AGAP3: variants seen among roughly 807,000 people sequenced by gnomAD.
AGAP3 encodes the protein ArfGAP with GTPase domain, ankyrin repeat and PH domain 3.
Under a neutral mutation model 96.9 loss-of-function variants are expected in AGAP3, and 24 were observed. The observed-to-expected ratio is 0.25, with a 90% CI of 0.18 to 0.35. The LOEUF (loss-of-function observed/expected upper bound fraction) is 0.35, where lower values mean the gene tolerates loss of function less well. Ranked by LOEUF, AGAP3 falls within the 10% of genes least tolerant of loss-of-function variation. AGAP3 has a pLI of 1.00. For synonymous variants in AGAP3, 563 were observed against 536.1 expected, an observed-to-expected ratio of 1.05 and a Z score of -0.69; for missense variants, 876 against 1,254.2, an observed-to-expected ratio of 0.70 and a Z score of 4.55.
chr7:151,090,892 T>C (rs1413052947), intron 1 of AGAP3, among the ~76,000 whole-genome samples: 1 of 151,814 alleles, frequency 6.6e-6, no homozygotes, highest in Non-Finnish European at 1.5e-5. Context: ...TGCAGTGAGC[T>C]GAGATCGCAC....
chr7:151,132,291 G>A (rs139612037), intron 10 of AGAP3, among the ~76,000 whole-genome samples: 86 of 152,318 alleles, frequency 5.6e-4, no homozygotes, highest in African/African-American at 2.0e-3. Flanking sequence ...CTGCCTGGGT[G>A]GGAGGCTGCT....
chr7:151,091,001 C>G (rs1798376415), intron 1 of AGAP3, among the ~76,000 whole-genome samples: 1 of 152,212 alleles, frequency 6.6e-6, no homozygotes, highest in African/African-American at 2.4e-5. Flanking sequence ...TCCCACAGCC[C>G]TCAGCCCTTA....
chr7:151,119,760 C>T lies in AGAP3; in HGVS notation c.970-227C>T, dbSNP rs116704494. Among the ~76,000 whole-genome samples, 1,267 of 152,294 alleles carry T rather than the reference C, an allele frequency of 8.3e-3. 13 individuals carry two copies. The highest frequency in any genetic ancestry group is 0.028 in the African/African-American group (1,184 of 41,556). ...AAGCACTCCTGCCGGGGCCCCAGGA[C>T]GAGGGTTTGCTGCCCTAGTGGGGCA... On this transcript the variant is annotated intron_variant, in intron 7 of 17. Coordinates refer to ENST00000397238, the MANE Select transcript of AGAP3 (RefSeq NM_031946.7).
rs780819924 is a variant in AGAP3, at chr7:151,118,590, G to C, written c.927G>C (p.Ser309=). ...CKSLPNSPSH[S]AVSAASIPAV... Reference sequence around the variant, plus strand: ...CACTGCCCAACTCGCCCAGCCACTCGGCCGTGTCCGCCGCCTCCATCCCGG... The same window carrying C: ...CACTGCCCAACTCGCCCAGCCACTCCGCCGTGTCCGCCGCCTCCATCCCGG... The change falls in exon 7 of 18, where the codon TCG becomes TCC. Residue 309 remains serine (S), a synonymous_variant. Coordinates refer to ENST00000397238, the MANE Select transcript of AGAP3 (RefSeq NM_031946.7). This position sits in a 1 kb window ranked among gnomAD's most constrained non-coding sequence, Gnocchi z 6.1. 2.5e-6 allele frequency: 4 copies of C among 1,613,976 alleles called. No individual in the cohort carries two copies. Among genetic ancestry groups the C allele is most frequent in the South Asian group, 2.2e-5 (2 of 91,074 alleles).
Position 151,143,939 on chromosome 7 carries a change from T to A in AGAP3, c.2732T>A (p.Leu911Gln). Residue 911 changes from leucine (L) to glutamine (Q), a missense_variant, in exon 18 of 18, where the codon CTA becomes CAA. Transcript: ENST00000397238. The surrounding 1 kb of genome is among the most constrained non-coding windows in gnomAD (Gnocchi z 5.9). ...GAGCTGCACCGTAGTCCTAGCCTCC[T>A]ATAAGGCCCAGGAAGAGGGCAGAGG... ...SAELHRSPSL[L>Q] The A allele has an allele frequency of 6.2e-7, 1 of 1,613,772 alleles. No homozygotes were observed.
At chr7:151,111,140 C>G (rs573435233) in intron 1 of AGAP3, among the ~76,000 whole-genome samples, 2 of 152,328 alleles carry the variant, frequency 1.3e-5, no homozygotes, top group African/African-American at 4.8e-5. Context: ...CACTGCCTCC[C>G]GGGCTCAGTG....
At chr7:151,129,587 G>A (rs766176507) in intron 10 of AGAP3, among the ~76,000 whole-genome samples, 4 of 152,132 alleles carry the variant, frequency 2.6e-5, no homozygotes, top group Admixed American at 6.5e-5. Context: ...TCAGCCGCTC[G>A]CCCTTCCTAA....
chr7:151,143,321 T>G lies in AGAP3; in HGVS notation c.2274-20T>G, dbSNP rs200991681. 2.5e-3 allele frequency: 3,955 copies of G among 1,597,196 alleles called. 10 individuals are homozygous for G. Among genetic ancestry groups the G allele is most frequent in the South Asian group, 3.7e-3 (324 of 88,590 alleles). ...CGGTGACCTTCCTTGGCTCATGCCC[T>G]GATGGGCCTGTGGTTGCAGAGAGGA... On this transcript the variant is annotated intron_variant, in intron 16 of 17. Coordinates refer to ENST00000397238, the MANE Select transcript of AGAP3 (RefSeq NM_031946.7). The surrounding 1 kb of genome is among the most constrained non-coding windows in gnomAD (Gnocchi z 5.9).
At chr7:151,115,700 A>G (rs10242437) in intron 1 of AGAP3, 348,077 of 1,056,674 alleles carry the variant, frequency 0.33, 59,647 homozygotes, top group African/African-American at 0.58. Flanking sequence ...GAAAAGCCGG[A>G]CGCGCCCAGG....
rs1459710629 is a variant in AGAP3 at position 151,114,517 on chromosome 7, C to A, written c.332-2276C>A. Among the ~76,000 whole-genome samples the A allele has an allele frequency of 6.6e-6, 1 of 152,216 alleles. No homozygotes were observed. The highest frequency in any genetic ancestry group is 2.4e-5 in the African/African-American group (1 of 41,464). On this transcript the variant is annotated intron_variant, in intron 1 of 17. Transcript: ENST00000397238. The surrounding 1 kb of genome is among the most constrained non-coding windows in gnomAD (Gnocchi z 4.4). ...GGCTCCCAGGGGCTGCCCCAGCAGGCCGGCTCCCCCGCGCCGCGCCGCCGT... is the reference window on the plus strand; with the variant it reads ...GGCTCCCAGGGGCTGCCCCAGCAGGACGGCTCCCCCGCGCCGCGCCGCCGT...
intron 12 of AGAP3, 34 bp downstream of exon 12, chr7:151,138,347 T>C: frequency 6.3e-7 from 1 of 1,578,602 alleles, no homozygotes; most frequent in Non-Finnish European, 8.6e-7. Flanking sequence ...CCACCTTTTC[T>C]GGGGCCCCAG....
At position 151,114,662 on chromosome 7, in the gene AGAP3, C is replaced by T; in HGVS notation, c.332-2131C>T. On this transcript the variant is annotated intron_variant, in intron 1 of 17. Coordinates refer to ENST00000397238, the MANE Select transcript of AGAP3 (RefSeq NM_031946.7). This position sits in a 1 kb window ranked among gnomAD's most constrained non-coding sequence, Gnocchi z 4.4. The stretch of plus-strand genomic sequence containing the variant: ...GGAGTTGAGGGACTCGGTCGGCCCA[C>T]ACCAGGTGCCCAGAGGCCGGAGGTC... 1.0e-6 allele frequency: 1 copy of T among 967,182 alleles called. No homozygotes were observed. The allele number at this position is 967,182 out of a possible 1,614,324, so 59.9% of individuals were successfully genotyped here.
At position 151,104,005 on chromosome 7, in the gene AGAP3, C is replaced by A. The variant is rs7806979; in HGVS notation, c.332-12788C>A. 5.4e-4 allele frequency among the ~76,000 whole-genome samples: 82 copies of A among 152,182 alleles called. 1 individual carries two copies. In the East Asian group the frequency reaches 0.01, roughly 19 times the overall value. On this transcript the variant is annotated intron_variant, in intron 1 of 17. Coordinates refer to ENST00000397238, the MANE Select transcript of AGAP3 (RefSeq NM_031946.7). ...CGGGACCACAGCCTTAGTGCCGTGG[C>A]GGGGGCGTGAGGACTGGGTCTCTCC...
At chr7:151,123,298 A>C in intron 8 of AGAP3, 1 of 1,047,744 alleles carries the variant, frequency 9.5e-7, no homozygotes, top group Non-Finnish European at 1.2e-6. Context: ...GACAGGGTGC[A>C]GGGCCTCTTC....
In AGAP3 at chr7:151,141,549, G is replaced by A. The variant is rs1563530816; in HGVS notation, c.1805-349G>A. Reference sequence around the variant, plus strand: ...CCCAGTGTTTGCCTCCTAGCACCCCGTCACATCCTTCTCCAGATACTCAGC... The same window carrying A: ...CCCAGTGTTTGCCTCCTAGCACCCCATCACATCCTTCTCCAGATACTCAGC... On this transcript the variant is annotated intron_variant, in intron 13 of 17. Coordinates refer to ENST00000397238, the MANE Select transcript of AGAP3 (RefSeq NM_031946.7). This position sits in a 1 kb window ranked among gnomAD's most constrained non-coding sequence, Gnocchi z 4.2. 6 of 295,074 alleles carry A rather than the reference G, an allele frequency of 2.0e-5. No individual in the cohort carries two copies. The highest frequency in any genetic ancestry group is 2.6e-5 in the Non-Finnish European group (4 of 153,806). The allele number at this position is 295,074 out of a possible 1,614,324, so 18.3% of individuals were successfully genotyped here. A position where few individuals can be genotyped will look rare whatever the true frequency, so the allele number is the denominator to read the frequency against.
rs371202850 is a variant in AGAP3, at chr7:151,117,722, T to C, written c.651T>C (p.Arg217=). ...SFQTVYNYFL[R]LCSFRNASEV... The stretch of plus-strand genomic sequence containing the variant: ...AGACGGTGTACAACTACTTCCTGCG[T>C]CTCTGCAGCTTCCGCAACGCCAGCG... Residue 217 remains arginine (R), a synonymous_variant, in exon 5 of 18, where the codon CGT becomes CGC. Transcript: ENST00000397238. 3 of 1,614,044 alleles carry C rather than the reference T, an allele frequency of 1.9e-6. No homozygotes were observed. Among genetic ancestry groups the C allele is most frequent in the Non-Finnish European group, 1.7e-6 (2 of 1,180,012 alleles).
At chr7:151,123,036 C>T (rs1390211536) in intron 8 of AGAP3, 17 of 1,341,602 alleles carry the variant, frequency 1.3e-5, no homozygotes, top group South Asian at 8.4e-5. Flanking sequence ...GAAGGCAGCT[C>T]GGCCCCACGC....
At chr7:151,099,693 G>A (rs1041776475) in intron 1 of AGAP3, among the ~76,000 whole-genome samples, 1 of 152,256 alleles carries the variant, frequency 6.6e-6, no homozygotes, top group Non-Finnish European at 1.5e-5. Context: ...CTGTCAGTCA[G>A]CATCTTGACC....
intron 9 of AGAP3, among the ~76,000 whole-genome samples, chr7:151,124,276 G>A (rs1450653087): frequency 6.6e-6 from 1 of 152,184 alleles, no homozygotes; most frequent in East Asian, 1.9e-4. Flanking sequence ...CCAGCGCTAG[G>A]TCTGTTGGCA....
Sources: allele counts gnomAD v4.1 joint callset (sites outside exome capture counted in the v4.1 genomes callset), GRCh38; gene constraint gnomAD v4.1.1; non-coding constraint Gnocchi (gnomAD v3.1); transcripts MANE v1.5; gene names NCBI Gene and HGNC (gene_info 2026-07-23, HGNC 2026-07-21).